GLIS3: variants seen among roughly 807,000 people sequenced by gnomAD.
GLIS3 encodes the protein zinc finger protein GLIS3.
In GLIS3, 53 loss-of-function variants were observed where a neutral mutation model predicts 78.6. The observed-to-expected ratio is 0.67, with a 90% CI of 0.54 to 0.85. The LOEUF is 0.85. Among genes scored for constraint, GLIS3 ranks in the 40% least tolerant of loss-of-function variants. The pLI is 0.00. For synonymous variants in GLIS3, 684 were observed against 509.9 expected, an observed-to-expected ratio of 1.34 and a Z score of -4.60; for missense variants, 1,703 against 1,231.1, an observed-to-expected ratio of 1.38 and a Z score of -5.74.
chr9:4,311,961 T>C (rs1452049131), intron 2 of GLIS3, among the ~76,000 whole-genome samples: 1 of 151,754 alleles, frequency 6.6e-6, no homozygotes, highest in Admixed American at 6.6e-5. Flanking sequence ...AGAGAAGAAC[T>C]ACAGACAGTG....
chr9:4,484,367 A>G, the GLIS3 span, among the ~76,000 whole-genome samples: 3 of 140,596 alleles, frequency 2.1e-5, no homozygotes, highest in South Asian at 6.7e-4. Flanking sequence ...CCTCCCGAGT[A>G]GCTGGGACCA....
chr9:4,308,258 C>A (rs56331475), intron 4 of GLIS3, among the ~76,000 whole-genome samples: 1 of 151,782 alleles, frequency 6.6e-6, no homozygotes, highest in East Asian at 1.9e-4. Context: ...CTGGAAGGAA[C>A]AGGAAGGGCA....
chr9:3,849,738 T>C (rs1416042523), intron 9 of GLIS3, among the ~76,000 whole-genome samples: 1 of 152,016 alleles, frequency 6.6e-6, no homozygotes, highest in Non-Finnish European at 1.5e-5. Context: ...TGAAACCCCG[T>C]CTCTACTAAA....
intron 6 of GLIS3, among the ~76,000 whole-genome samples, chr9:3,925,610 T>C (rs1055573538): frequency 6.6e-5 from 10 of 151,984 alleles, no homozygotes; most frequent in Non-Finnish European, 8.8e-5. Flanking sequence ...TGCGCGCGTG[T>C]GTGTGTGTGT....
At position 4,312,243 on chromosome 9, in the gene GLIS3, G is replaced by A. The variant is rs140762498; in HGVS notation, n.265-1715C>T. On this transcript the variant is annotated intron_variant and non_coding_transcript_variant, in intron 2 of 4. Coordinates refer to the GLIS3 transcript ENST00000471664. ...AGCATTTTGGGAGGCCAAGGCTGGC[G>A]GATCACTTGAGGTCAGGAGTTCAAG... Among the ~76,000 whole-genome samples, 24 of 152,300 alleles carry A rather than the reference G, an allele frequency of 1.6e-4. No individual in the cohort carries two copies. The East Asian group carries it at 2.5e-3, about 16-fold the overall frequency.
chr9:3,980,840 T>C (rs1033278425), intron 4 of GLIS3, among the ~76,000 whole-genome samples: 1 of 152,176 alleles, frequency 6.6e-6, no homozygotes, highest in African/African-American at 2.4e-5. Context: ...TCTTTTTTTC[T>C]GCTTGCTTCC....
At chr9:4,337,546 A>C (rs779209623) in intron 2 of GLIS3, among the ~76,000 whole-genome samples, 2 of 152,168 alleles carry the variant, frequency 1.3e-5, no homozygotes, top group Non-Finnish European at 2.9e-5. Flanking sequence ...TTTCCTTTAT[A>C]ATCAAAAAAA....
chr9:3,920,889 C>G (rs1358690177), intron 6 of GLIS3, among the ~76,000 whole-genome samples: 2 of 152,096 alleles, frequency 1.3e-5, no homozygotes, highest in Non-Finnish European at 2.9e-5. Context: ...TGTCTTCGTG[C>G]CTTGCCAGCT....
chr9:3,902,829 T>A (rs562207139), intron 6 of GLIS3, among the ~76,000 whole-genome samples: 1 of 152,338 alleles, frequency 6.6e-6, no homozygotes, highest in East Asian at 1.9e-4. Flanking sequence ...CTAGCATTTT[T>A]AAATATAGGA....
At chr9:4,453,148 T>C in the GLIS3 span, among the ~76,000 whole-genome samples, 2 of 152,046 alleles carry the variant, frequency 1.3e-5, no homozygotes, top group Admixed American at 6.6e-5. Flanking sequence ...TTACACCTTA[T>C]ACAAAAATTC....
chr9:3,971,117 T>A (rs1332354886), intron 4 of GLIS3, among the ~76,000 whole-genome samples: 1 of 79,508 alleles, frequency 1.3e-5, no homozygotes, highest in African/African-American at 4.5e-5. Flanking sequence ...GAAGGAAGGA[T>A]CGAAGGAAGG....
intron 6 of GLIS3, among the ~76,000 whole-genome samples, chr9:3,926,003 T>A (rs189757613): frequency 3.3e-5 from 5 of 152,294 alleles, no homozygotes; most frequent in Admixed American, 6.5e-5. Context: ...GCTAACCATC[T>A]GGGTCATTTT....
intron 2 of GLIS3, among the ~76,000 whole-genome samples, chr9:4,167,884 C>T (rs1816013126): frequency 2.0e-5 from 3 of 152,156 alleles, no homozygotes; most frequent in Non-Finnish European, 4.4e-5. Flanking sequence ...TTCAAGGTGC[C>T]ACTTTCGGTC....
intron 2 of GLIS3, among the ~76,000 whole-genome samples, chr9:4,131,463 T>A (rs1832966295): frequency 6.6e-6 from 1 of 152,194 alleles, no homozygotes; most frequent in Admixed American, 6.5e-5. Context: ...ATCAGTGGGA[T>A]AGAGCCTTCA....
At chr9:4,078,494 T>C (rs777054219) in intron 4 of GLIS3, among the ~76,000 whole-genome samples, 37 of 152,220 alleles carry the variant, frequency 2.4e-4, no homozygotes, top group Admixed American at 8.5e-4. Flanking sequence ...TCTGGAGATC[T>C]ATGTGGCCCA....
intron 2 of GLIS3, among the ~76,000 whole-genome samples, chr9:4,324,745 A>T (rs2130553593): frequency 6.6e-6 from 1 of 152,304 alleles, no homozygotes; most frequent in East Asian, 1.9e-4. Flanking sequence ...TCTGTAAATC[A>T]CTTGATTTGC....
At chr9:4,103,644 C>G (rs1830543123) in intron 4 of GLIS3, among the ~76,000 whole-genome samples, 1 of 152,158 alleles carries the variant, frequency 6.6e-6, no homozygotes, top group African/African-American at 2.4e-5. Context: ...TACCGTTTCT[C>G]AGAGTGTCTG....
intron 4 of GLIS3, among the ~76,000 whole-genome samples, chr9:4,038,086 T>G (rs1824484744): frequency 6.6e-6 from 1 of 152,216 alleles, no homozygotes; most frequent in African/African-American, 2.4e-5. Context: ...TTTCCCCTCT[T>G]CCTGTTCACC....
intron 4 of GLIS3, among the ~76,000 whole-genome samples, chr9:4,000,579 G>C (rs947982718): frequency 6.6e-6 from 1 of 152,070 alleles, no homozygotes; most frequent in African/African-American, 2.4e-5. Context: ...CCCAAAGCTC[G>C]TTTAAAGAAA....
Sources: gnomAD v4.1 joint callset for allele counts (sites outside exome capture counted in the v4.1 genomes callset) on GRCh38, gnomAD v4.1.1 for gene constraint, MANE v1.5 for transcripts, NCBI Gene and HGNC (gene_info 2026-07-23, HGNC 2026-07-21) for gene names.